Variants in ATP8A2 observed in about 807,000 individuals in gnomAD.
ATP8A2 encodes phospholipid-transporting ATPase IB.
A neutral mutation model predicts 165.6 loss-of-function variants in ATP8A2; 100 were observed. The ratio of observed to expected loss-of-function variants is 0.60; its 90% CI spans 0.51 to 0.71. The LOEUF is 0.71. Among genes scored for constraint, ATP8A2 ranks in the 30% least tolerant of loss-of-function variants. The probability of loss-of-function intolerance (pLI) is 0.00; values close to 1 mark genes in which losing one functional copy is unlikely to be tolerated. For missense variants in ATP8A2, 1,227 were observed against 1,479.5 expected, an observed-to-expected ratio of 0.83 and a Z score of 2.80; for synonymous variants, 543 against 548.8, an observed-to-expected ratio of 0.99 and a Z score of 0.15.
In ATP8A2 at chr13:25,559,745, G is replaced by A. The variant is rs760016332; in HGVS notation, c.1377G>A (p.Glu459=). 1 of 1,613,480 alleles carries A rather than the reference G, an allele frequency of 6.2e-7. No individual in the cohort carries two copies. Among genetic ancestry groups the A allele is most frequent in the Non-Finnish European group, 8.5e-7 (1 of 1,179,532 alleles). ...GTCACTTCCCAGAATTGGCAAGAGA[G>A]CCGTCTTCAGATGACTTCTGGTAAG... is the stretch of plus-strand genomic sequence containing the variant. The part of the protein sequence containing the change: ...TYGHFPELAR[E]PSSDDFCRMP... The change falls in exon 15 of 37, where the codon GAG becomes GAA. Residue 459 remains glutamate, a synonymous_variant. Transcript: ENST00000381655.
intron 27 of ATP8A2, among the ~76,000 whole-genome samples, chr13:25,782,777 G>T (rs1335771609): frequency 6.6e-6 from 1 of 152,072 alleles, no homozygotes; most frequent in African/African-American, 2.4e-5. Flanking sequence ...TTTCACTCTT[G>T]TTGCCAGGCT....
chr13:25,741,590 G>A (rs2043913652), intron 25 of ATP8A2, among the ~76,000 whole-genome samples: 1 of 150,688 alleles, frequency 6.6e-6, no homozygotes, highest in Admixed American at 6.6e-5. Flanking sequence ...GTCTCACTGT[G>A]TTGTCCAGGC....
chr13:25,679,968 A>G (rs2042450358), intron 24 of ATP8A2, among the ~76,000 whole-genome samples: 1 of 152,210 alleles, frequency 6.6e-6, no homozygotes, highest in African/African-American at 2.4e-5. Context: ...ATACCAGTCT[A>G]GAGTGATTCA....
intron 27 of ATP8A2, among the ~76,000 whole-genome samples, chr13:25,811,374 A>T (rs995894033): frequency 2.0e-5 from 3 of 152,234 alleles, no homozygotes; most frequent in Admixed American, 1.3e-4. Context: ...AATTGCATCA[A>T]ATTTTAAATC....
chr13:25,457,387 A>T (rs1306594579), intron 1 of ATP8A2, among the ~76,000 whole-genome samples: 2 of 152,224 alleles, frequency 1.3e-5, no homozygotes, highest in Non-Finnish European at 2.9e-5. Flanking sequence ...ATGTAGGTAA[A>T]AGGACATATC....
chr13:25,502,230 A>G (rs1044461314), intron 2 of ATP8A2, among the ~76,000 whole-genome samples: 2 of 152,202 alleles, frequency 1.3e-5, no homozygotes, highest in African/African-American at 4.8e-5. Context: ...AGATTCAGGC[A>G]ATTAGGAGGT....
intron 24 of ATP8A2, 95 bp from the exon 25 acceptor site, chr13:25,699,078 G>A (rs2042894924): frequency 6.3e-6 from 6 of 950,772 alleles, no homozygotes; most frequent in Admixed American, 2.7e-5. Context: ...TAGAATGGGT[G>A]TGTTCTCATT....
At chr13:25,720,575 C>T (rs1048835097) in intron 25 of ATP8A2, among the ~76,000 whole-genome samples, 1 of 152,210 alleles carries the variant, frequency 6.6e-6, no homozygotes, top group Non-Finnish European at 1.5e-5. Context: ...CACCTTCCCT[C>T]AGGTCGTCCA....
chr13:25,580,409 TCC>T, intron 22 of ATP8A2, among the ~76,000 whole-genome samples: 1 of 152,362 alleles, frequency 6.6e-6, no homozygotes, highest in Admixed American at 6.5e-5. Flanking sequence ...TTTCAGTTTA[TCC>T]TAAGGCTTTA....
intron 33 of ATP8A2, among the ~76,000 whole-genome samples, chr13:25,920,386 A>G (rs889377995): frequency 1.3e-5 from 2 of 152,078 alleles, no homozygotes; most frequent in East Asian, 3.9e-4. Flanking sequence ...AGATGTATCA[A>G]TCTACACACA....
intron 2 of ATP8A2, among the ~76,000 whole-genome samples, chr13:25,528,849 A>T: frequency 7.0e-6 from 1 of 142,788 alleles, no homozygotes; most frequent in African/African-American, 2.7e-5. Context: ...GTATGCACAC[A>T]TATGCAACAT....
intron 24 of ATP8A2, among the ~76,000 whole-genome samples, chr13:25,665,946 T>C (rs918853382): frequency 2.3e-4 from 35 of 148,946 alleles, no homozygotes; most frequent in Non-Finnish European, 4.5e-4. Context: ...ATTTATAAAA[T>C]ATATATAAGG....
intron 25 of ATP8A2, among the ~76,000 whole-genome samples, chr13:25,765,261 T>A (rs538941772): frequency 1.4e-4 from 22 of 152,344 alleles, no homozygotes; most frequent in African/African-American, 5.3e-4. Context: ...TTTCTATTCA[T>A]AATACACCAA....
chr13:25,998,029 G>T (rs1279994260), intron 35 of ATP8A2, among the ~76,000 whole-genome samples: 1 of 152,134 alleles, frequency 6.6e-6, no homozygotes, highest in Non-Finnish European at 1.5e-5. Context: ...TTATGCTATG[G>T]ACTCTGGATT....
At chr13:25,685,456 G>C (rs917850424) in intron 24 of ATP8A2, among the ~76,000 whole-genome samples, 1 of 152,218 alleles carries the variant, frequency 6.6e-6, no homozygotes, top group Admixed American at 6.5e-5. Flanking sequence ...CTAGTGGGGA[G>C]GGTGGACAGT....
chr13:25,694,093 C>T (rs190651390), intron 24 of ATP8A2, among the ~76,000 whole-genome samples: 168 of 150,924 alleles, frequency 1.1e-3, no homozygotes, highest in Non-Finnish European at 2.2e-3. Context: ...CCAAGCTAGT[C>T]CCTCTCCTCC....
chr13:25,441,508 G>A (rs1478401846), intron 1 of ATP8A2, among the ~76,000 whole-genome samples: 3 of 152,150 alleles, frequency 2.0e-5, no homozygotes, highest in Non-Finnish European at 4.4e-5. Flanking sequence ...ATACTTGACC[G>A]TTCTGGGCTT....
At chr13:25,797,954 CTATT>C (rs1477760585) in intron 27 of ATP8A2, among the ~76,000 whole-genome samples, 6 of 152,040 alleles carry the variant, frequency 3.9e-5, no homozygotes, top group East Asian at 1.9e-4. Context: ...TTAAATCTGA[CTATT>C]TAAGAGATAA....
intron 35 of ATP8A2, among the ~76,000 whole-genome samples, chr13:25,984,860 G>A (rs1032893372): frequency 2.0e-5 from 3 of 152,170 alleles, no homozygotes; most frequent in Admixed American, 6.5e-5. Context: ...TGTGTCACCA[G>A]GATTCCTCTC....
Sources: allele counts gnomAD v4.1 joint callset (sites outside exome capture counted in the v4.1 genomes callset), GRCh38; gene constraint gnomAD v4.1.1; transcripts MANE v1.5; gene names NCBI Gene and HGNC (gene_info 2026-07-23, HGNC 2026-07-21).